SLC24A2: variants seen among roughly 807,000 people sequenced by gnomAD.
The protein encoded by SLC24A2 is sodium/potassium/calcium exchanger 2.
In SLC24A2, 36 loss-of-function variants were observed where a neutral mutation model predicts 62.0. The ratio of observed to expected loss-of-function variants is 0.58; its 90% CI spans 0.44 to 0.77. The LOEUF (loss-of-function observed/expected upper bound fraction) is 0.77, where lower values mean the gene tolerates loss of function less well. Ranked by LOEUF, SLC24A2 falls within the 30% of genes least tolerant of loss-of-function variation. The probability of loss-of-function intolerance (pLI) is 0.00; values close to 1 mark genes in which losing one functional copy is unlikely to be tolerated. For missense variants in SLC24A2, 846 were observed against 817.9 expected (o/e 1.03, Z -0.42); for synonymous variants, 358 against 294.0 (o/e 1.22, Z -2.23).
intron 2 of SLC24A2, among the ~76,000 whole-genome samples, chr9:19,774,498 C>T (rs1275164513): frequency 1.3e-5 from 2 of 152,116 alleles, no homozygotes; most frequent in African/African-American, 2.4e-5. Context: ...TATTACGGGC[C>T]TGAAATAAGT....
In SLC24A2 at chr9:19,744,812, TACTTCACTCATAA is replaced by T. The variant is rs570298722; in HGVS notation, c.930+41112_930+41124del. On this transcript the variant is annotated intron_variant, in intron 2 of 10. Coordinates refer to ENST00000341998, the MANE Select transcript of SLC24A2 (RefSeq NM_020344.4). ...TCTGCTTCCCATTCAAATACCTTGT[TACTTCACTCATAA>T]ACTTCCCAAACATCTAAGCCTGTAA... Among the ~76,000 whole-genome samples the T allele has an allele frequency of 5.9e-5, 9 of 152,314 alleles. No homozygotes were observed. In the East Asian group the frequency reaches 1.5e-3, roughly 26 times the overall value.
the SLC24A2 span, among the ~76,000 whole-genome samples, chr9:20,210,255 T>G: frequency 6.6e-6 from 1 of 152,186 alleles, no homozygotes; most frequent in Non-Finnish European, 1.5e-5. Flanking sequence ...GAGAAGCAGG[T>G]GGCCTCCCAG....
chr9:19,736,865 T>C (rs1821526075), intron 2 of SLC24A2, among the ~76,000 whole-genome samples: 2 of 151,972 alleles, frequency 1.3e-5, no homozygotes, highest in Admixed American at 1.3e-4. Flanking sequence ...AGAAATAATC[T>C]TATACCATGC....
chr9:19,739,425 A>G (rs1175522083), intron 2 of SLC24A2, among the ~76,000 whole-genome samples: 1 of 152,236 alleles, frequency 6.6e-6, no homozygotes, highest in Admixed American at 6.5e-5. Flanking sequence ...AGTAATGTAT[A>G]CCATCAGATA....
At chr9:19,900,281 T>G in the SLC24A2 span, among the ~76,000 whole-genome samples, 1 of 152,230 alleles carries the variant, frequency 6.6e-6, no homozygotes, top group South Asian at 2.1e-4. Flanking sequence ...AACAAGTAAC[T>G]GGCTTCCACC....
chr9:20,099,082 G>C, the SLC24A2 span, among the ~76,000 whole-genome samples: 1 of 152,242 alleles, frequency 6.6e-6, no homozygotes, highest in Non-Finnish European at 1.5e-5. Context: ...TGTAGCAGCA[G>C]ACAAATTTAG....
At chr9:19,817,155 A>G in the SLC24A2 span, among the ~76,000 whole-genome samples, 2 of 152,076 alleles carry the variant, frequency 1.3e-5, no homozygotes, top group African/African-American at 4.8e-5. Context: ...GGTTTCATAT[A>G]TCAAAATGCA....
chr9:20,258,997 G>A, the SLC24A2 span, among the ~76,000 whole-genome samples: 1 of 152,028 alleles, frequency 6.6e-6, no homozygotes, highest in Admixed American at 6.6e-5. Context: ...TGGTTAAAGG[G>A]ACTATTAAAC....
the SLC24A2 span, among the ~76,000 whole-genome samples, chr9:20,268,182 G>C: frequency 2.0e-5 from 3 of 152,194 alleles, no homozygotes; most frequent in Admixed American, 6.5e-5. Context: ...TCACGCTCAG[G>C]TGTGAGTTGT....
At chr9:19,805,835 T>TAAAAAAAAAAA in the SLC24A2 span, among the ~76,000 whole-genome samples, 1 of 144,910 alleles carries the variant, frequency 6.9e-6, no homozygotes, top group Non-Finnish European at 1.5e-5. Context: ...GTCTGAGTTT[T>TAAAAAAAAAAA]AAAAAAAAAA....
chr9:19,784,464 C>G (rs1666194939), intron 2 of SLC24A2, among the ~76,000 whole-genome samples: 1 of 152,056 alleles, frequency 6.6e-6, no homozygotes, highest in African/African-American at 2.4e-5. Context: ...ATTGATGCAC[C>G]CAAGAAATTT....
At chr9:20,292,183 T>G in the SLC24A2 span, among the ~76,000 whole-genome samples, 1 of 152,174 alleles carries the variant, frequency 6.6e-6, no homozygotes, top group Non-Finnish European at 1.5e-5. Context: ...AGGGGGAAAC[T>G]GACTGCAGTA....
the SLC24A2 span, among the ~76,000 whole-genome samples, chr9:19,976,902 A>G: frequency 3.9e-5 from 6 of 152,190 alleles, no homozygotes; most frequent in Non-Finnish European, 8.8e-5. Context: ...TCTGGAAGAT[A>G]CAGCAACAAT....
At chr9:20,129,630 C>G in the SLC24A2 span, among the ~76,000 whole-genome samples, 1 of 151,940 alleles carries the variant, frequency 6.6e-6, no homozygotes, top group Non-Finnish European at 1.5e-5. Flanking sequence ...CATGCTACAA[C>G]ATGGATGAAC....
At chr9:19,829,765 ATGTGTGTGTG>A in the SLC24A2 span, among the ~76,000 whole-genome samples, 4 of 56,866 alleles carry the variant, frequency 7.0e-5, no homozygotes, top group African/African-American at 1.2e-4. Flanking sequence ...TTATATATAT[ATGTGTGTGTG>A]TGTGTGTGTG....
At chr9:19,701,715 T>G (rs1820361122) in intron 2 of SLC24A2, among the ~76,000 whole-genome samples, 1 of 152,184 alleles carries the variant, frequency 6.6e-6, no homozygotes, top group South Asian at 2.1e-4. Flanking sequence ...GAAGGAGCCT[T>G]CTTGAATTCC....
the SLC24A2 span, among the ~76,000 whole-genome samples, chr9:20,227,970 CTT>C: frequency 1.3e-5 from 2 of 152,174 alleles, no homozygotes; most frequent in African/African-American, 4.8e-5. Context: ...TCTGGACTCT[CTT>C]CCCTCCAGAA....
intron 8 of SLC24A2, among the ~76,000 whole-genome samples, chr9:19,547,934 G>A (rs1834664371): frequency 6.6e-6 from 1 of 151,820 alleles, no homozygotes; most frequent in South Asian, 2.1e-4. Flanking sequence ...ATTTGGTTGT[G>A]GGTTTTCAGG....
the SLC24A2 span, among the ~76,000 whole-genome samples, chr9:20,083,195 G>C: frequency 6.6e-6 from 1 of 152,250 alleles, no homozygotes; most frequent in Non-Finnish European, 1.5e-5. Flanking sequence ...GGAGAGACAT[G>C]ATGAACAAAA....
Sources: gnomAD v4.1 joint callset for allele counts (sites outside exome capture counted in the v4.1 genomes callset) on GRCh38, gnomAD v4.1.1 for gene constraint, MANE v1.5 for transcripts, NCBI Gene and HGNC (gene_info 2026-07-23, HGNC 2026-07-21) for gene names.